SNX8: variants seen among roughly 807,000 people sequenced by gnomAD.
SNX8 encodes the protein sorting nexin 8.
In SNX8, 25 loss-of-function variants were observed where a neutral mutation model predicts 51.6. The observed-to-expected ratio is 0.48, with a 90% CI of 0.35 to 0.68. The LOEUF is 0.68. Ranked by LOEUF, SNX8 falls within the 30% of genes least tolerant of loss-of-function variation. The pLI is 0.00. For synonymous variants in SNX8, 324 were observed against 277.0 expected, an observed-to-expected ratio of 1.17 and a Z score of -1.68; for missense variants, 695 against 624.0, an observed-to-expected ratio of 1.11 and a Z score of -1.21.
At chr7:2,317,562 C>T (rs1393387491), upstream of SNX8, among the ~76,000 whole-genome samples, 1 of 151,842 alleles carries the variant, frequency 6.6e-6, no homozygotes, top group Non-Finnish European at 1.5e-5. Context: ...CAGGTGTGAG[C>T]CACCGTGCCC....
At chr7:2,335,916 A>G (rs1489108124) in intron 1 of SNX8, among the ~76,000 whole-genome samples, 1 of 151,948 alleles carries the variant, frequency 6.6e-6, no homozygotes, top group Non-Finnish European at 1.5e-5. Flanking sequence ...AGCCTGGCCA[A>G]CATGGTGAAA....
chr7:2,275,037 C>G, intron 3 of SNX8, 75 bp downstream of exon 3: 1 of 1,025,278 alleles, frequency 9.8e-7, no homozygotes, highest in Non-Finnish European at 1.6e-6. Context: ...GGGGTCCATC[C>G]CTGAGCCAGG....
chr7:2,294,068 C>T (rs957691302), intron 1 of SNX8, among the ~76,000 whole-genome samples: 6 of 151,862 alleles, frequency 4.0e-5, no homozygotes, highest in African/African-American at 1.5e-4. Context: ...TCGAGACCAG[C>T]CTGGCCAACA....
At chr7:2,337,495 T>A (rs1244643896) in intron 1 of SNX8, among the ~76,000 whole-genome samples, 2 of 152,104 alleles carry the variant, frequency 1.3e-5, no homozygotes, top group African/African-American at 4.8e-5. Context: ...AATTACACTT[T>A]AATAAAAATC....
chr7:2,303,085 C>T (rs1373370902), intron 1 of SNX8, among the ~76,000 whole-genome samples: 15 of 149,238 alleles, frequency 1.0e-4, no homozygotes, highest in South Asian at 2.1e-4. Context: ...CCCGGCCAGC[C>T]GCCCCGTCCG....
chr7:2,352,785 G>T (rs919324338), intron 1 of SNX8, among the ~76,000 whole-genome samples: 1 of 151,818 alleles, frequency 6.6e-6, no homozygotes, highest in African/African-American at 2.4e-5. Flanking sequence ...GCAGTGAGCC[G>T]AGATCGTGCC....
chr7:2,322,099 G>A (rs1304755013), intron 1 of SNX8, among the ~76,000 whole-genome samples: 1 of 152,000 alleles, frequency 6.6e-6, no homozygotes, highest in Non-Finnish European at 1.5e-5. Flanking sequence ...CTGTTTTTTT[G>A]ATTCACATGT....
At chr7:2,318,291 C>T (rs1346597139), upstream of SNX8, among the ~76,000 whole-genome samples, 2 of 152,100 alleles carry the variant, frequency 1.3e-5, no homozygotes, top group African/African-American at 2.4e-5. Context: ...TTGCTCACAC[C>T]TGTAATCCCA....
chr7:2,348,368 T>C (rs1482481351), intron 1 of SNX8, among the ~76,000 whole-genome samples: 1 of 138,634 alleles, frequency 7.2e-6, no homozygotes, highest in Non-Finnish European at 1.5e-5. Context: ...TGAGACAGAG[T>C]CTCGCTCTGT....
Position 2,262,327 on chromosome 7 carries a change from G to A in SNX8, c.915+903C>T, listed in dbSNP as rs562840102. 3.3e-5 allele frequency among the ~76,000 whole-genome samples: 5 copies of A among 152,220 alleles called. No individual in the cohort carries two copies. The South Asian group carries it at 1.0e-3, about 32-fold the overall frequency. ...AGCGCTGGGATGATAGGTGTGAGCC[G>A]CTGTGCCCAGCCATGTAACACTTTT... On this transcript the variant is annotated intron_variant, in intron 7 of 10. Coordinates refer to ENST00000222990, the MANE Select transcript of SNX8 (RefSeq NM_013321.4).
intron 1 of SNX8, among the ~76,000 whole-genome samples, chr7:2,352,720 C>T (rs1429319111): frequency 6.6e-6 from 1 of 152,080 alleles, no homozygotes; most frequent in African/African-American, 2.4e-5. Flanking sequence ...CCTGTATTCC[C>T]AGCTACTTGG....
At chr7:2,315,823 T>TGC (rs1796745236), upstream of SNX8, among the ~76,000 whole-genome samples, 1 of 124,356 alleles carries the variant, frequency 8.0e-6, no homozygotes, top group Admixed American at 8.0e-5. Flanking sequence ...CTCACTCACT[T>TGC]ACTGCATCCT....
chr7:2,351,701 G>C (rs1019678435), intron 1 of SNX8, among the ~76,000 whole-genome samples: 1 of 151,318 alleles, frequency 6.6e-6, no homozygotes, highest in Non-Finnish European at 1.5e-5. Flanking sequence ...TGTGGTGGCA[G>C]GCGCCTGTAG....
chr7:2,294,592 G>T (rs969220149), intron 1 of SNX8, among the ~76,000 whole-genome samples: 1 of 152,210 alleles, frequency 6.6e-6, no homozygotes, highest in African/African-American at 2.4e-5. Flanking sequence ...CATGTACCAG[G>T]CTACTCAGTG....
chr7:2,271,888 C>T lies in SNX8; in HGVS notation c.502G>A (p.Asp168Asn). 1.2e-6 allele frequency: 2 copies of T among 1,613,446 alleles called. No individual in the cohort carries two copies. Among genetic ancestry groups the T allele is most frequent in the Non-Finnish European group, 1.7e-6 (2 of 1,179,788 alleles). The change falls in exon 4 of 11, where the codon GAT (aspartate) becomes AAT (asparagine). Residue 168 changes from aspartate to asparagine, a missense_variant. Coordinates refer to ENST00000222990, the MANE Select transcript of SNX8 (RefSeq NM_013321.4). ...GACAGGAAGAGCTTGAGGACCACAT[C>T]CTCGGAGAACAGGGGGTGTCGCGCC... ...LVARHPLFSE[D>N]VVLKLFLSFS...
chr7:2,264,177 T>G, intron 6 of SNX8, 121 bp downstream of exon 6: 13 of 952,994 alleles, frequency 1.4e-5, no homozygotes, highest in Non-Finnish European at 1.8e-5. Context: ...CTGCCCCTTC[T>G]GAGATGAAAC....
chr7:2,302,658 A>G (rs1386365312), intron 1 of SNX8, among the ~76,000 whole-genome samples: 3 of 149,824 alleles, frequency 2.0e-5, no homozygotes, highest in Non-Finnish European at 4.4e-5. Flanking sequence ...GGAAGTGAGG[A>G]GCACCTCTTC....
intron 1 of SNX8, among the ~76,000 whole-genome samples, chr7:2,343,764 A>G (rs1778973699): frequency 1.3e-5 from 2 of 152,160 alleles, no homozygotes; most frequent in Admixed American, 1.3e-4. Context: ...CACACCTGTA[A>G]TCCTAGCACT....
intron 6 of SNX8, 24 bp downstream of exon 6, chr7:2,264,274 T>G (rs776862681): frequency 5.9e-5 from 94 of 1,599,224 alleles, no homozygotes; most frequent in Non-Finnish European, 7.9e-5. Context: ...CGCGTGCCCC[T>G]GCAGAAGCTG....
Sources: allele counts gnomAD v4.1 joint callset (sites outside exome capture counted in the v4.1 genomes callset), GRCh38; gene constraint gnomAD v4.1.1; transcripts MANE v1.5; gene names NCBI Gene and HGNC (gene_info 2026-07-23, HGNC 2026-07-21).